The following DAB1 variants were observed in gnomAD, a reference collection of about 807,000 sequenced individuals.
DAB1 encodes disabled homolog 1.
DAB1 carries 15 observed loss-of-function variants against 64.6 expected under a neutral mutation model. The ratio of observed to expected loss-of-function variants is 0.23; its 90% CI spans 0.16 to 0.36. The LOEUF (loss-of-function observed/expected upper bound fraction) is 0.36, where lower values mean the gene tolerates loss of function less well. Ranked by LOEUF, DAB1 falls within the 10% of genes least tolerant of loss-of-function variation. DAB1 has a pLI of 1.00. For missense variants in DAB1, 596 were observed against 706.7 expected, an observed-to-expected ratio of 0.84 and a Z score of 1.78; for synonymous variants, 235 against 251.9, an observed-to-expected ratio of 0.93 and a Z score of 0.64.
intron 7 of DAB1, among the ~76,000 whole-genome samples, chr1:57,506,752 C>A (rs2101334539): frequency 6.6e-6 from 1 of 152,306 alleles, no homozygotes; most frequent in East Asian, 1.9e-4. Flanking sequence ...TCTCTGTCCT[C>A]CCAGTTTCTA....
At chr1:57,053,912 C>G (rs1649479066) in intron 9 of DAB1, among the ~76,000 whole-genome samples, 2 of 151,868 alleles carry the variant, frequency 1.3e-5, no homozygotes, top group African/African-American at 4.8e-5. Context: ...GTCTTGAACT[C>G]CTGACCTCAG....
intron 2 of DAB1, among the ~76,000 whole-genome samples, chr1:57,223,867 C>T (rs1188153467): frequency 6.6e-6 from 1 of 152,166 alleles, no homozygotes; most frequent in East Asian, 1.9e-4. Flanking sequence ...AGCCTCTCTC[C>T]TTCCTGACAC....
chr1:57,567,319 C>T (rs570023372), intron 7 of DAB1, among the ~76,000 whole-genome samples: 1 of 152,182 alleles, frequency 6.6e-6, no homozygotes, highest in Non-Finnish European at 1.5e-5. Flanking sequence ...TAGCCAACAT[C>T]ATACTGAATG....
At chr1:57,577,489 T>C (rs1193720791) in intron 7 of DAB1, among the ~76,000 whole-genome samples, 2 of 152,120 alleles carry the variant, frequency 1.3e-5, no homozygotes, top group Non-Finnish European at 2.9e-5. Flanking sequence ...TTTAATTGAT[T>C]ACCGAACACT....
At chr1:58,472,177 C>T (rs1018205093) in intron 3 of DAB1, among the ~76,000 whole-genome samples, 6 of 152,262 alleles carry the variant, frequency 3.9e-5, no homozygotes, top group Non-Finnish European at 7.4e-5. Context: ...TAGTCATGCT[C>T]CTTGGAAGAA....
intron 4 of DAB1, among the ~76,000 whole-genome samples, chr1:58,238,229 G>C (rs1005585684): frequency 6.6e-6 from 1 of 152,174 alleles, no homozygotes; most frequent in African/African-American, 2.4e-5. Flanking sequence ...AACAGAAGTG[G>C]TTGCTGGGTG....
intron 5 of DAB1, among the ~76,000 whole-genome samples, chr1:58,047,516 G>C (rs77364267): frequency 0.032 from 4,890 of 152,238 alleles, 203 homozygotes; most frequent in African/African-American, 0.099. Context: ...CAGCCCCTGT[G>C]TCCTACTAAT....
chr1:57,952,501 C>G (rs549563546), intron 5 of DAB1, among the ~76,000 whole-genome samples: 131 of 151,978 alleles, frequency 8.6e-4, no homozygotes, highest in Non-Finnish European at 1.7e-3. Context: ...TGAAAATGAG[C>G]CTAACACATG....
At chr1:57,771,906 C>T (rs1450027169) in intron 6 of DAB1, among the ~76,000 whole-genome samples, 1 of 152,140 alleles carries the variant, frequency 6.6e-6, no homozygotes, top group African/African-American at 2.4e-5. Flanking sequence ...TTTTGAGGTT[C>T]ATCCAAGTCA....
At position 57,015,201 on chromosome 1, in the gene DAB1, G is replaced by A. The variant is rs200585955; in HGVS notation, c.1126C>T (p.Pro376Ser). 3.1e-6 allele frequency: 5 copies of A among 1,614,062 alleles called. No individual in the cohort carries two copies. Among genetic ancestry groups the A allele is most frequent in the Admixed American group, 3.3e-5 (2 of 60,012 alleles). Residue 376 changes from proline to serine, a missense_variant, in exon 12 of 15, where the codon CCA becomes TCA. By Grantham distance (74) the Pro-to-Ser change is moderately conservative. Around this residue, in one of 3 missense-constraint regions of DAB1, gnomAD observed 377 missense variants for 400.4 expected, o/e 0.94. Transcript: ENST00000371236. ...FMPTQTVMPL[P>S]AAMFQGPLTP... ...AGGGGACCTTGGAACATGGCAGCTGGCAAAGGCATAACAGTTTGTGTGGGC... is the reference window on the plus strand; with the variant it reads ...AGGGGACCTTGGAACATGGCAGCTGACAAAGGCATAACAGTTTGTGTGGGC...
At chr1:58,523,624 GC>G (rs1646301981) in intron 2 of DAB1, among the ~76,000 whole-genome samples, 1 of 152,130 alleles carries the variant, frequency 6.6e-6, no homozygotes, top group Admixed American at 6.5e-5. Context: ...TCCTGGCCGG[GC>G]GCAGTGGCTC....
At chr1:57,069,183 T>C (rs1401326429) in intron 8 of DAB1, among the ~76,000 whole-genome samples, 177 bp downstream of exon 8, 1 of 152,176 alleles carries the variant, frequency 6.6e-6, no homozygotes, top group African/African-American at 2.4e-5. Flanking sequence ...CTATTAAACA[T>C]CAACAACAAG....
chr1:57,242,155 T>C (rs1668541029), intron 2 of DAB1, among the ~76,000 whole-genome samples: 1 of 152,264 alleles, frequency 6.6e-6, no homozygotes, highest in African/African-American at 2.4e-5. Context: ...TTGTTAAAGG[T>C]TGGAGAACAC....
intron 7 of DAB1, among the ~76,000 whole-genome samples, chr1:57,476,226 CAAAAAAA>C (rs57483030): frequency 1.7e-5 from 1 of 57,164 alleles, no homozygotes; most frequent in African/African-American, 7.0e-5. Flanking sequence ...AACTCCACTT[CAAAAAAA>C]AAAAAAACAA....
At chr1:58,197,582 G>A (rs913607580) in intron 4 of DAB1, among the ~76,000 whole-genome samples, 26 of 151,900 alleles carry the variant, frequency 1.7e-4, no homozygotes, top group African/African-American at 5.8e-4. Context: ...TTTTAGTAGA[G>A]ATGAGGTTTC....
At chr1:58,466,970 G>A (rs548006616) in intron 3 of DAB1, among the ~76,000 whole-genome samples, 72 of 152,206 alleles carry the variant, frequency 4.7e-4, no homozygotes, top group Non-Finnish European at 8.2e-4. Flanking sequence ...GAATACATGA[G>A]TGAGTGGCCT....
chr1:58,462,366 T>A (rs1373909096), intron 3 of DAB1, among the ~76,000 whole-genome samples: 2 of 152,074 alleles, frequency 1.3e-5, no homozygotes, highest in Non-Finnish European at 2.9e-5. Context: ...GACCTCATGA[T>A]CCACCCGCCT....
At chr1:57,305,314 T>C (rs1674042128) in intron 1 of DAB1, among the ~76,000 whole-genome samples, 1 of 152,200 alleles carries the variant, frequency 6.6e-6, no homozygotes, top group South Asian at 2.1e-4. Context: ...CAAGGCCAGC[T>C]AGCAGGGAGA....
rs562824712 is a variant in DAB1, at chr1:58,424,976, C to T, written n.257+81084G>A. On this transcript the variant is annotated intron_variant and non_coding_transcript_variant, in intron 3 of 20. Coordinates refer to the DAB1 transcript ENST00000485760. Reference sequence around the variant, plus strand: ...GCAATCCTATGTTTTCCATAGGATACTAGTAGATAGCTAAGCATTAAGCAT... The same window carrying T: ...GCAATCCTATGTTTTCCATAGGATATTAGTAGATAGCTAAGCATTAAGCAT... Among the ~76,000 whole-genome samples the T allele has an allele frequency of 7.2e-5, 11 of 152,166 alleles. No individual in the cohort carries two copies. In the South Asian group the frequency reaches 2.1e-3, roughly 29 times the overall value.
Sources: gnomAD v4.1 joint callset for allele counts (sites outside exome capture counted in the v4.1 genomes callset) on GRCh38, gnomAD v4.1.1 for gene constraint, gnomAD v4.1.1 regional missense constraint, MANE v1.5 for transcripts, NCBI Gene and HGNC (gene_info 2026-07-23, HGNC 2026-07-21) for gene names.